USH2A: variants seen among roughly 807,000 people sequenced by gnomAD.
USH2A encodes usherin.
Under a neutral mutation model 538.9 loss-of-function variants are expected in USH2A, and 443 were observed. The ratio of observed to expected loss-of-function variants is 0.82; its 90% CI spans 0.76 to 0.89. USH2A has a LOEUF of 0.89. Ranked by LOEUF, USH2A falls within the 40% of genes least tolerant of loss-of-function variation. USH2A has a pLI of 0.00. For synonymous variants in USH2A, 2,413 were observed against 2,273.5 expected (o/e 1.06, Z -1.75); for missense variants, 6,633 against 6,324.8 (o/e 1.05, Z -1.65).
At chr1:215,823,631 C>T (rs1480259663) in intron 47 of USH2A, among the ~76,000 whole-genome samples, 1 of 151,912 alleles carries the variant, frequency 6.6e-6, no homozygotes, top group African/African-American at 2.4e-5. Flanking sequence ...AGCTTTCTAC[C>T]TCTTGCTCTT....
chr1:216,200,093 C>T lies in USH2A; in HGVS notation c.3345G>A (p.Leu1115=). The change falls in exon 17 of 72, where the codon CTG becomes CTA. Residue 1115 remains leucine, a synonymous_variant. Coordinates refer to ENST00000307340, the MANE Select transcript of USH2A (RefSeq NM_206933.4). ...AATAGGAATATTTGGTATATGGTAA[C>T]AGGTCTGTGTCTAAGAAGTATTGAA... ...YSIQYFLDTD[L]LPYTKYSYYI... is the part of the protein sequence containing the mutation. 1 of 1,610,984 alleles carries T rather than the reference C, an allele frequency of 6.2e-7. No individual in the cohort carries two copies.
At chr1:216,209,168 A>C (rs115578431) in intron 15 of USH2A, among the ~76,000 whole-genome samples, 228 of 152,308 alleles carry the variant, frequency 1.5e-3, no homozygotes, top group Non-Finnish European at 2.5e-3. Context: ...TCTCTAGCTT[A>C]AATGGGGACA....
At chr1:215,670,011 A>G (rs535397635) in intron 64 of USH2A, among the ~76,000 whole-genome samples, 19 of 152,324 alleles carry the variant, frequency 1.2e-4, no homozygotes, top group African/African-American at 4.3e-4. Flanking sequence ...GCTTTCTTTG[A>G]CTGCAAGCAA....
chr1:216,228,587 C>T lies in USH2A; in HGVS notation c.2993+3366G>A, dbSNP rs568304396. Among the ~76,000 whole-genome samples the T allele has an allele frequency of 2.0e-5, 3 of 152,244 alleles. No individual in the cohort carries two copies. The South Asian group carries it at 6.2e-4, about 32-fold the overall frequency. ...AGGGGAGTTTCCCTGCACAAGCTTT[C>T]TTCTCTCTGCCACCATGTGAGACGT... On this transcript the variant is annotated intron_variant, in intron 14 of 71. Transcript: ENST00000307340.
intron 36 of USH2A, among the ~76,000 whole-genome samples, chr1:215,970,397 A>G (rs1667462723): frequency 1.3e-5 from 2 of 152,190 alleles, no homozygotes; most frequent in Non-Finnish European, 2.9e-5. Context: ...TCTTTCTTTC[A>G]ATAAAATGTA....
At chr1:216,114,272 G>A (rs2032947347) in intron 21 of USH2A, among the ~76,000 whole-genome samples, 1 of 151,588 alleles carries the variant, frequency 6.6e-6, no homozygotes. Flanking sequence ...AGGTTTTGAT[G>A]GCTTTTTTAG....
At chr1:216,076,954 A>G (rs1478759232) in intron 27 of USH2A, among the ~76,000 whole-genome samples, 1 of 152,152 alleles carries the variant, frequency 6.6e-6, no homozygotes, top group Admixed American at 6.6e-5. Flanking sequence ...ACCAATGCCC[A>G]TAAAAGAGAG....
intron 32 of USH2A, 22 bp from the exon 33 acceptor site, chr1:216,000,584 G>A (rs1240881020): frequency 1.2e-6 from 2 of 1,612,700 alleles, no homozygotes; most frequent in Non-Finnish European, 1.7e-6. Context: ...GGAGAAACAA[G>A]AATTTACTCA....
At chr1:215,896,310 T>C (rs965897595) in intron 40 of USH2A, among the ~76,000 whole-genome samples, 1 of 152,138 alleles carries the variant, frequency 6.6e-6, no homozygotes, top group Non-Finnish European at 1.5e-5. Context: ...TGGGGTTTTT[T>C]TTTTTGAGGG....
chr1:215,692,187 G>A (rs1658638059), intron 61 of USH2A, among the ~76,000 whole-genome samples: 1 of 152,106 alleles, frequency 6.6e-6, no homozygotes, highest in Non-Finnish European at 1.5e-5. Context: ...GCCTTTTAAT[G>A]GAGTGATAAG....
At position 215,769,569 on chromosome 1, in the gene USH2A, A is replaced by G. The variant is rs561330596; in HGVS notation, c.10940-2781T>C. On this transcript the variant is annotated intron_variant, in intron 55 of 71. Transcript: ENST00000307340. ...ATGGTACAGCAGTAGAGCATCCAGC[A>G]CCTTAAGGATTTTTGATAGAGGGAG... 2.5e-4 allele frequency among the ~76,000 whole-genome samples: 38 copies of G among 152,322 alleles called. No individual in the cohort carries two copies. The South Asian group carries it at 7.9e-3, about 32-fold the overall frequency.
intron 15 of USH2A, among the ~76,000 whole-genome samples, chr1:216,207,963 T>C (rs1343410755): frequency 1.3e-5 from 2 of 152,076 alleles, no homozygotes; most frequent in African/African-American, 4.8e-5. Flanking sequence ...CTAAATATTA[T>C]CAAGAAACGA....
intron 50 of USH2A, among the ~76,000 whole-genome samples, chr1:215,793,447 A>G (rs978711676): frequency 1.3e-5 from 2 of 152,156 alleles, no homozygotes; most frequent in African/African-American, 4.8e-5. Context: ...AAAGAAAAGA[A>G]ATTCACACTT....
At chr1:215,955,574 C>T (rs1005179585) in intron 37 of USH2A, among the ~76,000 whole-genome samples, 3 of 152,154 alleles carry the variant, frequency 2.0e-5, no homozygotes, top group Admixed American at 6.5e-5. Flanking sequence ...TGTAAAACTC[C>T]CTTTGCTTCT....
At chr1:216,079,692 C>T (rs1331962878) in intron 26 of USH2A, among the ~76,000 whole-genome samples, 1 of 152,062 alleles carries the variant, frequency 6.6e-6, no homozygotes, top group African/African-American at 2.4e-5. Context: ...CCAGTATTAC[C>T]TTGCACTAAA....
At chr1:216,086,849 T>C in intron 23 of USH2A, 29 bp from the exon 24 acceptor site, 2 of 1,523,740 alleles carry the variant, frequency 1.3e-6, no homozygotes, top group Admixed American at 1.7e-5. Flanking sequence ...GAAATACACC[T>C]TCACCAGGAT....
intron 36 of USH2A, among the ~76,000 whole-genome samples, chr1:215,966,955 T>C (rs1219558079): frequency 2.0e-5 from 3 of 152,302 alleles, no homozygotes; most frequent in East Asian, 1.9e-4. Flanking sequence ...TTACTATACA[T>C]TGAATTTGGC....
intron 35 of USH2A, among the ~76,000 whole-genome samples, chr1:215,991,010 C>A (rs1023279097): frequency 5.9e-5 from 9 of 152,094 alleles, no homozygotes; most frequent in Admixed American, 3.9e-4. Flanking sequence ...ATCCACCCCC[C>A]TCAGCCTCCC....
chr1:216,059,803 C>T (rs1244895351), intron 30 of USH2A, among the ~76,000 whole-genome samples: 4 of 151,856 alleles, frequency 2.6e-5, no homozygotes, highest in Non-Finnish European at 1.5e-5. Context: ...TTTCCATTTC[C>T]CATATAAATA....
Sources: gnomAD v4.1 joint callset for allele counts (sites outside exome capture counted in the v4.1 genomes callset) on GRCh38, gnomAD v4.1.1 for gene constraint, MANE v1.5 for transcripts, NCBI Gene and HGNC (gene_info 2026-07-23, HGNC 2026-07-21) for gene names.